The following THOC1 variants were observed in gnomAD, a reference collection of about 807,000 sequenced individuals.
THOC1 encodes THO complex 1.
Under a neutral mutation model 97.3 loss-of-function variants are expected in THOC1, and 29 were observed. The ratio of observed to expected loss-of-function variants is 0.30; its 90% confidence interval spans 0.22 to 0.41. The LOEUF is 0.41. THOC1 is among the 10% of genes least tolerant of loss of function. The probability of loss-of-function intolerance (pLI) is 1.00; values close to 1 mark genes in which losing one functional copy is unlikely to be tolerated. For synonymous variants in THOC1, 255 were observed against 257.0 expected, an observed-to-expected ratio of 0.99 and a Z score of 0.07; for missense variants, 529 against 761.9, an observed-to-expected ratio of 0.69 and a Z score of 3.60.
intron 18 of THOC1, among the ~76,000 whole-genome samples, chr18:218,532 C>T (rs138101502): frequency 5.7e-4 from 86 of 152,052 alleles, no homozygotes; most frequent in African/African-American, 2.0e-3. Context: ...TTCTCATGGA[C>T]GCCAAGAGAA....
chr18:220,183 C>T (rs1398068357), intron 17 of THOC1, among the ~76,000 whole-genome samples: 1 of 152,166 alleles, frequency 6.6e-6, no homozygotes, highest in Non-Finnish European at 1.5e-5. Flanking sequence ...GTTAAATGAA[C>T]ATTCTTGCAC....
chr18:248,967 G>C (rs1417209449), intron 9 of THOC1, among the ~76,000 whole-genome samples: 2 of 152,040 alleles, frequency 1.3e-5, no homozygotes, highest in Non-Finnish European at 2.9e-5. Flanking sequence ...ATCCAGGATG[G>C]TCTCGAGTTC....
At chr18:215,838 C>A in intron 19 of THOC1, 1 of 252,168 alleles carries the variant, frequency 4.0e-6, no homozygotes, top group African/African-American at 2.2e-5. Context: ...GCAACAGTGT[C>A]CTTAAAAGTT....
At chr18:226,013 AAG>A (rs1911272586) in intron 12 of THOC1, 2 of 152,332 alleles carry the variant, frequency 1.3e-5, no homozygotes, top group African/African-American at 2.4e-5. Flanking sequence ...CAAGGCCATA[AAG>A]ATTTAATTCA....
chr18:266,645 C>T (rs1355422412), intron 1 of THOC1, among the ~76,000 whole-genome samples: 1 of 150,366 alleles, frequency 6.7e-6, no homozygotes, highest in African/African-American at 2.4e-5. Context: ...TCAAGCGATT[C>T]TCCTGCCTCA....
In THOC1 at chr18:214,951, G is replaced by T. The variant is rs9964556; in HGVS notation, c.1679-30C>A. ...AAAATGAAGAGAATATAAATTATGC[G>T]CAATTCTAAGTATACAACAGAAATG... is the stretch of plus-strand genomic sequence containing the variant. On this transcript the variant is annotated intron_variant, in intron 20 of 20. Transcript: ENST00000261600. The T allele has an allele frequency of 1.8e-3, 2,827 of 1,602,506 alleles. 32 individuals carry two copies. In the African/African-American group the frequency reaches 0.028, roughly 16 times the overall value.
intron 11 of THOC1, among the ~76,000 whole-genome samples, chr18:237,292 G>T (rs951277667): frequency 2.6e-5 from 4 of 151,792 alleles, no homozygotes; most frequent in African/African-American, 9.7e-5. Context: ...GAGCAGCTGG[G>T]ACTACAGGTG....
At chr18:261,806 C>A (rs961753488) in intron 4 of THOC1, among the ~76,000 whole-genome samples, 3 of 152,158 alleles carry the variant, frequency 2.0e-5, no homozygotes, top group Non-Finnish European at 4.4e-5. Flanking sequence ...GATTCTACTG[C>A]CAAAATTCTG....
At position 260,110 on chromosome 18, in the gene THOC1, A is replaced by G. The variant is rs540995383; in HGVS notation, c.375+76T>C. The G allele has an allele frequency of 1.1e-5, 8 of 705,130 alleles. No homozygotes were observed. The East Asian group carries it at 2.1e-4, about 18-fold the overall frequency. The allele number at this position is 705,130 out of a possible 1,614,324, so 43.7% of individuals were successfully genotyped here. A position where few individuals can be genotyped will look rare whatever the true frequency, so the allele number is the denominator to read the frequency against. On this transcript the variant is annotated intron_variant, in intron 5 of 20. Transcript: ENST00000261600. Reference sequence around the variant, plus strand: ...TTCAGCAATACTACAAATAAATTTAAAAAAAAAAATCTACCCTCAGAATTC... The same window carrying G: ...TTCAGCAATACTACAAATAAATTTAGAAAAAAAAATCTACCCTCAGAATTC...
intron 20 of THOC1, 131 bp from the exon 21 acceptor site, chr18:215,052 T>C (rs1910823633): frequency 2.5e-6 from 2 of 812,532 alleles, no homozygotes; most frequent in Non-Finnish European, 3.8e-6. Context: ...TTATTTTTTA[T>C]ATTCTCCGTA....
At chr18:241,267 A>T (rs1911889715) in intron 11 of THOC1, among the ~76,000 whole-genome samples, 1 of 152,210 alleles carries the variant, frequency 6.6e-6, no homozygotes, top group Admixed American at 6.5e-5. Context: ...AGTATATCTT[A>T]TAAGAGACCC....
At chr18:221,466 C>T (rs1417812160) in intron 17 of THOC1, among the ~76,000 whole-genome samples, 1 of 151,954 alleles carries the variant, frequency 6.6e-6, no homozygotes, top group Admixed American at 6.6e-5. Flanking sequence ...TTTAATAATG[C>T]TTTCTGCTTT....
In THOC1 at chr18:265,073, A is replaced by T. The variant is rs1912720209; in HGVS notation, c.189+230T>A. 6 of 465,310 alleles carry T rather than the reference A, an allele frequency of 1.3e-5. No homozygotes were observed. The South Asian group carries it at 1.8e-4, about 14-fold the overall frequency. 28.8% of individuals were successfully genotyped at this position (465,310 alleles called of 1,614,324 possible). The stretch of plus-strand genomic sequence containing the variant: ...CTAAGACCTCATGTCAACTTTTCTT[A>T]TCTCACTTGGAGAGGGCTCTTGTCA... On this transcript the variant is annotated intron_variant, in intron 3 of 20. Coordinates refer to ENST00000261600, the MANE Select transcript of THOC1 (RefSeq NM_005131.3).
At chr18:246,815 A>G (rs1007516496) in intron 10 of THOC1, among the ~76,000 whole-genome samples, 1 of 151,734 alleles carries the variant, frequency 6.6e-6, no homozygotes, top group African/African-American at 2.4e-5. Flanking sequence ...CGTCTCGACT[A>G]AAAATACAAA....
At chr18:259,149 C>G (rs2143293053) in intron 7 of THOC1, 31 bp downstream of exon 7, 1 of 1,512,928 alleles carries the variant, frequency 6.6e-7, no homozygotes, top group East Asian at 2.3e-5. Context: ...GATTTTCCTG[C>G]AGAAAACTCA....
In THOC1 at chr18:241,165, A is replaced by AT. The variant is rs1365413453; in HGVS notation, c.918+5158dup. Among the ~76,000 whole-genome samples the AT allele has an allele frequency of 7.2e-5, 11 of 152,004 alleles. No individual in the cohort carries two copies. The East Asian group carries it at 1.7e-3, about 24-fold the overall frequency. On this transcript the variant is annotated intron_variant, in intron 11 of 20. Transcript: ENST00000261600. ...TCCCATGCCGAGAACAACTAATGAG[A>AT]TAAAAAAAAAAATTGTAGCATAGTG...
rs1315535615 is a variant in THOC1, at chr18:252,609, T to C, written c.607A>G (p.Thr203Ala). 6.2e-7 allele frequency: 1 copy of C among 1,605,252 alleles called. No individual in the cohort carries two copies. The highest frequency in any genetic ancestry group is 8.5e-7 in the Non-Finnish European group (1 of 1,177,064). ...TCCATTCCTTCTTCTCTATCTTCAGTGTGCTAAATTGAAAAAAAAATGTAT... is the reference window on the plus strand; with the variant it reads ...TCCATTCCTTCTTCTCTATCTTCAGCGTGCTAAATTGAAAAAAAAATGTAT... ...EQESTLGQKH[T>A]EDREEGMDVE... is the part of the protein sequence containing the mutation. The change falls in exon 9 of 21, where the codon ACT becomes GCT. Residue 203 changes from threonine to alanine, a missense_variant. By Grantham distance (58) the Thr-to-Ala change is moderately conservative. Coordinates refer to ENST00000261600, the MANE Select transcript of THOC1 (RefSeq NM_005131.3).
At chr18:215,580 G>A (rs972532508) in intron 19 of THOC1, 76 bp from the exon 20 acceptor site, 4 of 1,222,292 alleles carry the variant, frequency 3.3e-6, no homozygotes, top group Non-Finnish European at 4.8e-6. Flanking sequence ...GTTTGGATAA[G>A]GACGGTTGTG....
intron 1 of THOC1, 25 bp from the exon 2 acceptor site, chr18:265,555 T>C (rs1394753366): frequency 6.6e-7 from 1 of 1,518,214 alleles, no homozygotes. Flanking sequence ...AAATGGCAAA[T>C]AATTGTAAAG....
Sources: gnomAD v4.1 joint callset for allele counts (sites outside exome capture counted in the v4.1 genomes callset) on GRCh38, gnomAD v4.1.1 for gene constraint, MANE v1.5 for transcripts, NCBI Gene and HGNC (gene_info 2026-07-23, HGNC 2026-07-21) for gene names.